PELI2: variants seen among roughly 807,000 people sequenced by gnomAD.
PELI2 encodes the protein E3 ubiquitin-protein ligase pellino homolog 2.
A neutral mutation model predicts 42.3 loss-of-function variants in PELI2; 23 were observed. That is an observed-to-expected ratio of 0.54 (90% confidence interval 0.39 to 0.77). PELI2 has a LOEUF of 0.77. Among genes scored for constraint, PELI2 ranks in the 30% least tolerant of loss-of-function variants. The pLI is 0.00. For synonymous variants in PELI2, 245 were observed against 212.2 expected (o/e 1.15, Z -1.34); for missense variants, 463 against 553.2 (o/e 0.84, Z 1.64).
chr14:56,231,764 A>G (rs1887581430), intron 2 of PELI2, among the ~76,000 whole-genome samples: 1 of 152,246 alleles, frequency 6.6e-6, no homozygotes, highest in Non-Finnish European at 1.5e-5. Context: ...AGATCAGAGC[A>G]TAACTGAAGG....
At chr14:56,121,370 C>A (rs1390191032) in intron 1 of PELI2, among the ~76,000 whole-genome samples, 2 of 152,058 alleles carry the variant, frequency 1.3e-5, no homozygotes, top group East Asian at 3.9e-4. Context: ...CTAAATACTT[C>A]TATATCTTTT....
At chr14:56,178,280 T>A (rs916864959) in intron 1 of PELI2, 55 bp from the exon 2 acceptor site, 2 of 1,588,444 alleles carry the variant, frequency 1.3e-6, no homozygotes, top group African/African-American at 2.7e-5. Context: ...CTAACTTTTA[T>A]GTTTAAAGCT....
At chr14:56,181,938 A>G (rs1043134654) in intron 2 of PELI2, among the ~76,000 whole-genome samples, 7 of 152,034 alleles carry the variant, frequency 4.6e-5, no homozygotes, top group Admixed American at 2.6e-4. Context: ...GCTTTTAGCA[A>G]TTTATTCACC....
rs566724687 is a variant in PELI2, at chr14:56,270,177, C to T, written c.208-9499C>T. On this transcript the variant is annotated intron_variant, in intron 2 of 5. Coordinates refer to ENST00000267460, the MANE Select transcript of PELI2 (RefSeq NM_021255.3). ...AGGAGTGGCCCAGGGCCGAGTTCAA[C>T]GCTATTGCCTCTAACAAATAGGCCT... 7.9e-5 allele frequency among the ~76,000 whole-genome samples: 12 copies of T among 152,276 alleles called. No individual in the cohort carries two copies. The South Asian group carries it at 1.0e-3, about 13-fold the overall frequency.
intron 4 of PELI2, among the ~76,000 whole-genome samples, chr14:56,289,749 G>A (rs1196711404): frequency 6.6e-6 from 1 of 152,150 alleles, no homozygotes; most frequent in Non-Finnish European, 1.5e-5. Context: ...CTACCTTTGA[G>A]AATTTAAACG....
At chr14:56,126,592 G>A (rs537650151) in intron 1 of PELI2, among the ~76,000 whole-genome samples, 17 of 152,110 alleles carry the variant, frequency 1.1e-4, no homozygotes, top group South Asian at 6.2e-4. Context: ...ACGGCTGATC[G>A]TGATTACCAA....
chr14:56,139,753 A>T lies in PELI2; in HGVS notation c.77+21016A>T, dbSNP rs373012773. Among the ~76,000 whole-genome samples the T allele has an allele frequency of 2.6e-5, 4 of 152,130 alleles. No individual in the cohort carries two copies. In the South Asian group the frequency reaches 8.3e-4, roughly 32 times the overall value. On this transcript the variant is annotated intron_variant, in intron 1 of 5. Coordinates refer to ENST00000267460, the MANE Select transcript of PELI2 (RefSeq NM_021255.3). The stretch of plus-strand genomic sequence containing the variant: ...TGCTATCCAGTGAGACTCTACTAGC[A>T]CAGATGAAAGAAAAACTGGGCCAGA...
chr14:56,298,721 T>A lies in PELI2; in HGVS notation c.*1555T>A, dbSNP rs1382388026. ...GCTTTTCCTTAAAGTGATACGATAA[T>A]ATTACTCTTGATTGCTGCTGCTTAA... On this transcript the variant is annotated 3_prime_UTR_variant, in exon 6 of 6. Coordinates refer to ENST00000267460, the MANE Select transcript of PELI2 (RefSeq NM_021255.3). 1.3e-5 allele frequency: 2 copies of A among 152,692 alleles called. No individual in the cohort carries two copies. Among genetic ancestry groups the A allele is most frequent in the Non-Finnish European group, 2.9e-5 (2 of 68,046 alleles). The allele number at this position is 152,692 out of a possible 1,614,324, so 9.5% of individuals were successfully genotyped here.
Position 56,118,650 on chromosome 14 carries a change from A to C in PELI2, c.-11A>C. 7.1e-7 allele frequency: 1 copy of C among 1,407,704 alleles called. No homozygotes were observed. Among genetic ancestry groups the C allele is most frequent in the East Asian group, 3.1e-5 (1 of 31,922 alleles). 87.2% of individuals were successfully genotyped at this position (1,407,704 alleles called of 1,614,324 possible). On this transcript the variant is annotated 5_prime_UTR_variant, in exon 1 of 6. Coordinates refer to ENST00000267460, the MANE Select transcript of PELI2 (RefSeq NM_021255.3). ...GCGTCGGCGGCGGCGTCGGCGGCCG[A>C]GCGGGGCTCCATGTTTTCCCCTGGC...
At chr14:56,234,616 G>A (rs1475662080) in intron 2 of PELI2, among the ~76,000 whole-genome samples, 1 of 152,110 alleles carries the variant, frequency 6.6e-6, no homozygotes, top group Non-Finnish European at 1.5e-5. Context: ...TGTGGGGAGG[G>A]GTGAGGGATA....
At position 56,172,574 on chromosome 14, in the gene PELI2, G is replaced by A. The variant is rs538708120; in HGVS notation, c.78-5761G>A. Among the ~76,000 whole-genome samples, 12 of 152,278 alleles carry A rather than the reference G, an allele frequency of 7.9e-5. No homozygotes were observed. The South Asian group carries it at 2.5e-3, about 32-fold the overall frequency. On this transcript the variant is annotated intron_variant, in intron 1 of 5. Transcript: ENST00000267460. ...AGGAGGGGAGGTTGGTTGGTGTGCC[G>A]GCTGTATGATGAATGATCAAATGTA...
At chr14:56,134,910 T>A (rs566090865) in intron 1 of PELI2, among the ~76,000 whole-genome samples, 2 of 152,298 alleles carry the variant, frequency 1.3e-5, no homozygotes, top group African/African-American at 4.8e-5. Flanking sequence ...AATTCTCAAA[T>A]GAATATTCAT....
intron 1 of PELI2, among the ~76,000 whole-genome samples, chr14:56,125,413 G>A (rs1341284381): frequency 7.1e-6 from 1 of 141,458 alleles, no homozygotes; most frequent in Non-Finnish European, 1.6e-5. Context: ...TTATTGGGTG[G>A]GCAGGGGGGG....
At chr14:56,293,165 T>A (rs1594721621) in intron 5 of PELI2, among the ~76,000 whole-genome samples, 1 of 152,178 alleles carries the variant, frequency 6.6e-6, no homozygotes, top group East Asian at 1.9e-4. Context: ...TTAAGTCACT[T>A]GCTAATAAGA....
At chr14:56,190,091 T>A (rs557678410) in intron 2 of PELI2, among the ~76,000 whole-genome samples, 16 of 152,364 alleles carry the variant, frequency 1.1e-4, no homozygotes, top group African/African-American at 3.6e-4. Flanking sequence ...GACCTCTAAA[T>A]TGAGGTTTCA....
At chr14:56,233,031 G>A (rs1489296360) in intron 2 of PELI2, among the ~76,000 whole-genome samples, 1 of 152,000 alleles carries the variant, frequency 6.6e-6, no homozygotes, top group African/African-American at 2.4e-5. Context: ...AAAATACCTA[G>A]GAATCCAACT....
At chr14:56,268,965 G>A (rs7150755) in intron 2 of PELI2, among the ~76,000 whole-genome samples, 2,513 of 152,230 alleles carry the variant, frequency 0.017, 65 homozygotes, top group African/African-American at 0.057. Flanking sequence ...AAACTGAGAC[G>A]AAAAGGCAGA....
chr14:56,158,975 G>A (rs1189216434), intron 1 of PELI2, among the ~76,000 whole-genome samples: 2 of 152,120 alleles, frequency 1.3e-5, no homozygotes, highest in African/African-American at 4.8e-5. Context: ...GACATTTGAA[G>A]TTATCCTTAA....
intron 1 of PELI2, among the ~76,000 whole-genome samples, chr14:56,121,414 A>G (rs368599006): frequency 6.6e-6 from 1 of 152,184 alleles, no homozygotes; most frequent in Non-Finnish European, 1.5e-5. Context: ...GAGATTCCAC[A>G]TAGCTAGGAT....
Sources: gnomAD v4.1 joint callset for allele counts (sites outside exome capture counted in the v4.1 genomes callset) on GRCh38, gnomAD v4.1.1 for gene constraint, MANE v1.5 for transcripts, NCBI Gene and HGNC (gene_info 2026-07-23, HGNC 2026-07-21) for gene names.